The following PCDH19 variants were observed in gnomAD, a reference collection of about 807,000 sequenced individuals.
PCDH19 encodes protocadherin 19, also known as protocadherin-19.
PCDH19 carries 6 observed loss-of-function variants against 46.2 expected under a neutral mutation model. The ratio of observed to expected loss-of-function variants is 0.13; its 90% CI spans 0.07 to 0.26. The LOEUF is 0.26. Among genes scored for constraint, PCDH19 ranks in the 10% least tolerant of loss-of-function variants. The pLI is 1.00. For missense variants in PCDH19, 740 were observed against 972.3 expected, an observed-to-expected ratio of 0.76 and a Z score of 3.18; for synonymous variants, 481 against 415.7, an observed-to-expected ratio of 1.16 and a Z score of -1.91.
intron 3 of PCDH19, among the ~76,000 whole-genome samples, chrX:100,362,567 G>C (rs1369607834): frequency 9.3e-6 from 1 of 107,627 alleles, no homozygotes; most frequent in Non-Finnish European, 1.9e-5. Context: ...GCCGAGGTGA[G>C]CAGATCACAA....
chrX:100,299,671 T>G (rs761706511), intron 5 of PCDH19, among the ~76,000 whole-genome samples: 1 of 111,638 alleles, frequency 9.0e-6, no homozygotes, highest in Non-Finnish European at 1.9e-5. Context: ...TGACCCACTG[T>G]CTAAATGAAA....
chrX:100,404,807 T>G (rs1006876343), intron 1 of PCDH19, among the ~76,000 whole-genome samples: 18 of 111,604 alleles, frequency 1.6e-4, no homozygotes, highest in Middle Eastern at 4.6e-3. Flanking sequence ...GAAGATGGCT[T>G]AAAAAGAGTC....
Position 100,292,766 on chromosome X carries a change from T to C in PCDH19, c.*3511A>G, listed in dbSNP as rs1924465174. 1 of 112,045 alleles carries C rather than the reference T, an allele frequency of 8.9e-6. No homozygotes were observed. The highest frequency in any genetic ancestry group is 9.5e-5 in the Admixed American group (1 of 10,503). The allele number at this position is 112,045 out of a possible 1,213,427, so 9.2% of individuals were successfully genotyped here. ...CAAGAAGGCAAACACTAGGACTGTA[T>C]ACAATGGATTTCTTAAGCTCATTTA... is the stretch of plus-strand genomic sequence containing the variant. On this transcript the variant is annotated 3_prime_UTR_variant, in exon 6 of 6. Coordinates refer to ENST00000373034, the MANE Select transcript of PCDH19 (RefSeq NM_001184880.2).
chrX:100,323,040 A>C (rs1044320340), intron 5 of PCDH19, among the ~76,000 whole-genome samples: 5 of 108,265 alleles, frequency 4.6e-5, no homozygotes, highest in Non-Finnish European at 9.5e-5. Context: ...GCAAGGTTAG[A>C]GGGAAGGAAA....
At position 100,408,046 on chromosome X, in the gene PCDH19, G is replaced by T. The variant is rs752863628; in HGVS notation, c.552C>A (p.Gly184=). 8.3e-7 allele frequency: 1 copy of T among 1,208,887 alleles called. No homozygotes were observed. Among genetic ancestry groups the T allele is most frequent in the Non-Finnish European group, 1.1e-6 (1 of 895,638 alleles). ...CCACCACGAGTTCGGCAAAGCGGGAGCCGTCGCCGCGCGTCTTGATCTCCA... is the reference window on the plus strand; with the variant it reads ...CCACCACGAGTTCGGCAAAGCGGGATCCGTCGCCGCGCGTCTTGATCTCCA... ...FGLEIKTRGD[G]SRFAELVVEK... Residue 184 remains glycine, a synonymous_variant, in exon 1 of 6, where the codon GGC becomes GGA. Transcript: ENST00000373034.
Position 100,295,817 on chromosome X carries a change from T to C in PCDH19, c.*460A>G, listed in dbSNP as rs1193113643. ...GCTCAATTTCACATCACTGAATCAA[T>C]GAATAGTACACAATAAATGACCATT... On this transcript the variant is annotated 3_prime_UTR_variant, in exon 6 of 6. Transcript: ENST00000373034. 1 of 119,329 alleles carries C rather than the reference T, an allele frequency of 8.4e-6. No individual in the cohort carries two copies. The highest frequency in any genetic ancestry group is 1.7e-5 in the Non-Finnish European group (1 of 58,122). The allele number at this position is 119,329 out of a possible 1,213,427, so 9.8% of individuals were successfully genotyped here. A position where few individuals can be genotyped will look rare whatever the true frequency, so the allele number is the denominator to read the frequency against.
chrX:100,383,879 T>C (rs1026987223), intron 3 of PCDH19, among the ~76,000 whole-genome samples: 6 of 111,406 alleles, frequency 5.4e-5, no homozygotes, highest in Non-Finnish European at 1.1e-4. Flanking sequence ...GACAAACAGA[T>C]CAGTGGAAAA....
chrX:100,330,347 T>G (rs748788843), intron 5 of PCDH19, among the ~76,000 whole-genome samples: 2 of 112,197 alleles, frequency 1.8e-5, no homozygotes, highest in Non-Finnish European at 3.8e-5. Flanking sequence ...AGAAAGCAAG[T>G]TGTCAAACAT....
chrX:100,353,395 G>C (rs1415949473), intron 3 of PCDH19, among the ~76,000 whole-genome samples: 1 of 111,816 alleles, frequency 8.9e-6, no homozygotes, highest in African/African-American at 3.3e-5. Context: ...TGCAAATGAA[G>C]GCATGGAACC....
chrX:100,328,259 T>C (rs1280784472), intron 5 of PCDH19, among the ~76,000 whole-genome samples: 2 of 111,726 alleles, frequency 1.8e-5, no homozygotes, highest in Admixed American at 1.9e-4. Flanking sequence ...ACAGGATGAA[T>C]ACATGGGTCC....
At chrX:100,348,389 T>C (rs1926476095) in intron 4 of PCDH19, among the ~76,000 whole-genome samples, 1 of 111,122 alleles carries the variant, frequency 9.0e-6, no homozygotes. Flanking sequence ...CAGAACAGCA[T>C]AGCACACAAG....
At chrX:100,297,540 G>A (rs1924654852) in intron 5 of PCDH19, among the ~76,000 whole-genome samples, 2 of 111,472 alleles carry the variant, frequency 1.8e-5, no homozygotes, top group South Asian at 3.8e-4. Context: ...AGCTTCAATT[G>A]GCCCTACGCA....
At chrX:100,303,614 G>A (rs1240212875) in intron 5 of PCDH19, among the ~76,000 whole-genome samples, 2 of 111,770 alleles carry the variant, frequency 1.8e-5, no homozygotes. Flanking sequence ...TGAAGGCTGA[G>A]ATATCTGTAG....
Position 100,333,104 on chromosome X carries a change from A to AGGAG in PCDH19, c.2848+8795_2848+8798dup, listed in dbSNP as rs1569294461. On this transcript the variant is annotated intron_variant, in intron 5 of 5. Coordinates refer to ENST00000373034, the MANE Select transcript of PCDH19 (RefSeq NM_001184880.2). ...AGAGAAAAAAGGAAAGAAGGAAGGA[A>AGGAG]GGAGGGAGGGAAGGAAGGAAGGAAG... Among the ~76,000 whole-genome samples, 75 of 82,875 alleles carry AGGAG rather than the reference A, an allele frequency of 9.0e-4. 1 individual carries two copies. Among genetic ancestry groups the AGGAG allele is most frequent in the African/African-American group, 3.2e-3 (72 of 22,481 alleles). The allele number at this position is 82,875 out of a possible 115,157, so 72.0% of individuals were successfully genotyped here.
intron 3 of PCDH19, among the ~76,000 whole-genome samples, chrX:100,360,971 G>A (rs1377907903): frequency 1.8e-5 from 2 of 111,709 alleles, no homozygotes; most frequent in African/African-American, 3.3e-5. Flanking sequence ...TTGGGAAGGG[G>A]GATGAGGAGG....
chrX:100,354,943 T>TA (rs918766724), intron 3 of PCDH19, among the ~76,000 whole-genome samples: 11 of 108,470 alleles, frequency 1.0e-4, no homozygotes, highest in East Asian at 5.7e-4. Flanking sequence ...ATTGTCACAT[T>TA]AAAAAAAAAT....
At chrX:100,401,512 C>T (rs1384059868) in intron 3 of PCDH19, among the ~76,000 whole-genome samples, 1 of 110,571 alleles carries the variant, frequency 9.0e-6, no homozygotes, top group Non-Finnish European at 1.9e-5. Context: ...ATTAGCTGGG[C>T]GTGGTGGTGC....
chrX:100,332,685 G>A (rs1472188789), intron 5 of PCDH19, among the ~76,000 whole-genome samples: 1 of 111,262 alleles, frequency 9.0e-6, no homozygotes, highest in Non-Finnish European at 1.9e-5. Flanking sequence ...CCTGATAAGA[G>A]TTTATGGCTC....
intron 3 of PCDH19, among the ~76,000 whole-genome samples, chrX:100,388,309 G>A (rs1602624165): frequency 9.2e-6 from 1 of 108,731 alleles, no homozygotes; most frequent in East Asian, 2.8e-4. Context: ...TTAAACAATT[G>A]GAATAATATA....
Sources: allele counts gnomAD v4.1 joint callset (sites outside exome capture counted in the v4.1 genomes callset), GRCh38; gene constraint gnomAD v4.1.1; transcripts MANE v1.5; gene names NCBI Gene and HGNC (gene_info 2026-07-23, HGNC 2026-07-21).